Variants in ERCC5 observed in about 807,000 individuals in gnomAD.
The protein encoded by ERCC5 is ERCC excision repair 5, endonuclease.
In ERCC5, 68 loss-of-function variants were observed where a neutral mutation model predicts 105.6. That is an observed-to-expected ratio of 0.64 (90% confidence interval 0.53 to 0.79). ERCC5 has a LOEUF of 0.79. ERCC5 is among the 30% of genes least tolerant of loss of function. ERCC5 has a pLI of 0.00. For missense variants in ERCC5, 1,373 were observed against 1,426.7 expected, an observed-to-expected ratio of 0.96 and a Z score of 0.61; for synonymous variants, 546 against 526.2, an observed-to-expected ratio of 1.04 and a Z score of -0.51.
rs1340970336 is a variant in ERCC5 at position 102,852,294 on chromosome 13, G to A, written c.264+1G>A. Reference sequence around the variant, plus strand: ...TCCACTATTGAAGAAACAGACTTTGGTAAGTGTCGTATAGTTTTTAGTAAG... The same window carrying A: ...TCCACTATTGAAGAAACAGACTTTGATAAGTGTCGTATAGTTTTTAGTAAG... On this transcript the variant is annotated splice_donor_variant, in intron 2 of 14. Transcript: ENST00000652225. LOFTEE classifies it high-confidence loss of function. 3 of 1,613,806 alleles carry A rather than the reference G, an allele frequency of 1.9e-6. No individual in the cohort carries two copies. In the Admixed American group the frequency reaches 5.0e-5, roughly 27 times the overall value.
In ERCC5 at chr13:102,866,635, C is replaced by G. The variant is rs1165076825; in HGVS notation, c.2323C>G (p.Leu775Val). Residue 775 changes from leucine to valine, a missense_variant, in exon 11 of 15, where the codon CTC (leucine) becomes GTC (valine). By Grantham distance (32) the Leu-to-Val change is conservative. Transcript: ENST00000652225. ...TGQMFLESQE[L>V]LRLFGIPYIQ... Reference sequence around the variant, plus strand: ...CTGTGTACCCCTCACTCTGCAGGAACTCCTGCGCCTGTTCGGCATTCCCTA... The same window carrying G: ...CTGTGTACCCCTCACTCTGCAGGAAGTCCTGCGCCTGTTCGGCATTCCCTA... The G allele has an allele frequency of 1.9e-5, 30 of 1,613,174 alleles. No individual in the cohort carries two copies. The highest frequency in any genetic ancestry group is 2.4e-5 in the Non-Finnish European group (28 of 1,179,918).
Position 102,872,312 on chromosome 13 carries a change from T to C in ERCC5, c.2793T>C (p.Ala931=). The change falls in exon 13 of 15, where the codon GCT becomes GCC. Residue 931 remains alanine, a synonymous_variant. Coordinates refer to ENST00000652225, the MANE Select transcript of ERCC5 (RefSeq NM_000123.4). The stretch of plus-strand genomic sequence containing the variant: ...TCACCCCTGGCTTTCCTAACCCAGC[T>C]GTTGCCGAGGCCTACCTCAAACCCG... The part of the protein sequence containing the change: ...LQLTPGFPNP[A]VAEAYLKPVV... 6.2e-7 allele frequency: 1 copy of C among 1,614,186 alleles called. No individual in the cohort carries two copies. The highest frequency in any genetic ancestry group is 8.5e-7 in the Non-Finnish European group (1 of 1,180,036).
At chr13:102,853,086 A>G (rs896328369) in intron 2 of ERCC5, among the ~76,000 whole-genome samples, 1 of 152,332 alleles carries the variant, frequency 6.6e-6, no homozygotes, top group Middle Eastern at 3.4e-3. Context: ...GGATAAAAAT[A>G]AAAAGCATTT....
chr13:102,865,773 A>G lies in ERCC5; in HGVS notation c.2061A>G (p.Gly687=), dbSNP rs1263351381. 1 of 1,614,030 alleles carries G rather than the reference A, an allele frequency of 6.2e-7. No individual in the cohort carries two copies. Among genetic ancestry groups the G allele is most frequent in the East Asian group, 2.2e-5 (1 of 44,894 alleles). The change falls in exon 9 of 15, where the codon GGA becomes GGG. Residue 687 remains glycine (G), a synonymous_variant. Transcript: ENST00000652225. This position sits in a 1 kb window ranked among gnomAD's most constrained non-coding sequence, Gnocchi z 4.0. The stretch of plus-strand genomic sequence containing the variant: ...AACAAGGCGAAGAGGAACTGGTAGG[A>G]ACTAGGGAGGGAGAAGCCCCTGCTG... ...PSEQGEEELV[G]TREGEAPAES...
chr13:102,850,543 T>C (rs1882164665), intron 1 of ERCC5, among the ~76,000 whole-genome samples: 1 of 152,240 alleles, frequency 6.6e-6, no homozygotes, highest in Middle Eastern at 3.4e-3. Context: ...CAAAGATACG[T>C]TGGTGAAATC....
At position 102,865,518 on chromosome 13, in the gene ERCC5, A is replaced by G; in HGVS notation, c.1955-149A>G. On this transcript the variant is annotated intron_variant, in intron 8 of 14. Transcript: ENST00000652225. This position sits in a 1 kb window ranked among gnomAD's most constrained non-coding sequence, Gnocchi z 4.0. ...TTTGTGATTACATTTATTTATTAATAACGCTACTATTACATGTATTCTGTT... is the reference window on the plus strand; with the variant it reads ...TTTGTGATTACATTTATTTATTAATGACGCTACTATTACATGTATTCTGTT... 6.5e-6 allele frequency: 7 copies of G among 1,081,152 alleles called. No homozygotes were observed. In the South Asian group the frequency reaches 1.0e-4, roughly 16 times the overall value. 67.0% of individuals were successfully genotyped at this position (1,081,152 alleles called of 1,614,324 possible).
chr13:102,855,503 G>A (rs1301541271), intron 4 of ERCC5, among the ~76,000 whole-genome samples: 2 of 151,958 alleles, frequency 1.3e-5, no homozygotes, highest in Admixed American at 6.6e-5. Context: ...CACCTGCCTC[G>A]GCCTCCCAAA....
At position 102,875,854 on chromosome 13, in the gene ERCC5, A is replaced by G. The variant is rs778193599; in HGVS notation, c.3512A>G (p.Lys1171Arg). 6.2e-7 allele frequency: 1 copy of G among 1,612,652 alleles called. No individual in the cohort carries two copies. Among genetic ancestry groups the G allele is most frequent in the Non-Finnish European group, 8.5e-7 (1 of 1,180,016 alleles). ...GTGACCGCCAGATCTGTGTTTGGGA[A>G]GAAAAGAAGGAAACTAAGACGTGCG... The part of the protein sequence containing the change: ...VLVTARSVFG[K>R]KRRKLRRARG... Residue 1171 changes from lysine to arginine, a missense_variant, in exon 15 of 15, where the codon AAG (lysine) becomes AGG (arginine). Physicochemically the swap from Lys to Arg is conservative, Grantham distance 26 (BLOSUM62 2). Around this residue, in one of 3 missense-constraint regions of ERCC5, gnomAD observed 367 missense variants for 350.2 expected, o/e 1.05. Transcript: ENST00000652225.
rs41281672 is a variant in ERCC5, at chr13:102,849,088, A to G, written c.88+2734A>G. 3,900 of 514,676 alleles carry G rather than the reference A, an allele frequency of 7.6e-3. 40 individuals carry two copies. The highest frequency in any genetic ancestry group is 0.01 in the Non-Finnish European group (2,673 of 257,864). The allele number at this position is 514,676 out of a possible 1,614,324, so 31.9% of individuals were successfully genotyped here. On this transcript the variant is annotated intron_variant, in intron 1 of 14. Coordinates refer to ENST00000652225, the MANE Select transcript of ERCC5 (RefSeq NM_000123.4). ...GCCAAGTAGAAACTAATTTAATCCT[A>G]TGTAATAGTGAGCTTCATGGCTTTT...
chr13:102,854,147 G>A, intron 3 of ERCC5, 141 bp from the exon 4 acceptor site: 2 of 898,242 alleles, frequency 2.2e-6, no homozygotes, highest in Non-Finnish European at 3.6e-6. Context: ...CTCTAGGTGA[G>A]CAGCCCCGCC....
chr13:102,875,653 A>G lies in ERCC5; in HGVS notation c.3311A>G (p.Asp1104Gly). Residue 1104 changes from aspartate to glycine, a missense_variant, in exon 15 of 15, where the codon GAT (aspartate) becomes GGT (glycine). Asp to Gly is a moderately conservative substitution (Grantham distance 94, BLOSUM62 -1). Transcript: ENST00000652225. The stretch of plus-strand genomic sequence containing the variant: ...TCATCTGATGGATCTTCAAGTGAAG[A>G]TGCTGAAAGTTCATCTTTAATGAAT... ...SESSDGSSSE[D>G]AESSSLMNVQ... 6.2e-7 allele frequency: 1 copy of G among 1,614,162 alleles called. No homozygotes were observed. The highest frequency in any genetic ancestry group is 8.5e-7 in the Non-Finnish European group (1 of 1,179,986).
At position 102,875,376 on chromosome 13, in the gene ERCC5, A is replaced by C. The variant is rs1186044738; in HGVS notation, c.3034A>C (p.Ser1012Arg). The change falls in exon 15 of 15, where the codon AGC becomes CGC. Residue 1012 changes from serine to arginine, a missense_variant. Ser to Arg is a moderately radical substitution (Grantham distance 110). Coordinates refer to ENST00000652225, the MANE Select transcript of ERCC5 (RefSeq NM_000123.4). ...QEKEDAKRIK[S>R]QRLNRAVTCM... ...GAAAGAAGATGCTAAACGTATTAAGAGCCAGAGACTAAACAGAGCTGTGAC... is the reference window on the plus strand; with the variant it reads ...GAAAGAAGATGCTAAACGTATTAAGCGCCAGAGACTAAACAGAGCTGTGAC... The C allele has an allele frequency of 6.2e-7, 1 of 1,614,020 alleles. No individual in the cohort carries two copies. The highest frequency in any genetic ancestry group is 1.7e-5 in the Admixed American group (1 of 59,990).
In ERCC5 at chr13:102,875,617, G is replaced by A. The variant is rs1408107282; in HGVS notation, c.3275G>A (p.Cys1092Tyr). 6.2e-7 allele frequency: 1 copy of A among 1,613,788 alleles called. No individual in the cohort carries two copies. The highest frequency in any genetic ancestry group is 2.2e-5 in the East Asian group (1 of 44,878). ...NTCGGFLGET[C>Y]LSESSDGSSS... The stretch of plus-strand genomic sequence containing the variant: ...TGCGGTGGATTTTTGGGGGAGACCT[G>A]CCTCTCAGAATCATCTGATGGATCT... The change falls in exon 15 of 15, where the codon TGC (cysteine) becomes TAC (tyrosine). Residue 1092 changes from cysteine to tyrosine, a missense_variant. Physicochemically the swap from Cys to Tyr is radical, Grantham distance 194. Coordinates refer to ENST00000652225, the MANE Select transcript of ERCC5 (RefSeq NM_000123.4).
rs918031921 is a variant in ERCC5 at position 102,865,559 on chromosome 13, C to T, written c.1955-108C>T. On this transcript the variant is annotated intron_variant, in intron 8 of 14. Transcript: ENST00000652225. This position sits in a 1 kb window ranked among gnomAD's most constrained non-coding sequence, Gnocchi z 4.0. ...GTATTCTGTTATAGTCATATCTTTCCTTTTTAGGATGTAGCATTTTTCAGG... is the reference window on the plus strand; with the variant it reads ...GTATTCTGTTATAGTCATATCTTTCTTTTTTAGGATGTAGCATTTTTCAGG... 4.9e-5 allele frequency: 71 copies of T among 1,460,542 alleles called. No homozygotes were observed. Among genetic ancestry groups the T allele is most frequent in the Non-Finnish European group, 6.5e-5 (70 of 1,069,418 alleles). The allele number at this position is 1,460,542 out of a possible 1,614,324, so 90.5% of individuals were successfully genotyped here.
At chr13:102,856,177 A>T (rs1882411530) in intron 5 of ERCC5, 65 bp downstream of exon 5, 1 of 1,519,084 alleles carries the variant, frequency 6.6e-7, no homozygotes, top group Non-Finnish European at 9.1e-7. Flanking sequence ...ATGAAAATGA[A>T]TATTAATGAG....
At position 102,869,010 on chromosome 13, in the gene ERCC5, ATTGTGGTGGCATCT is replaced by A. The variant is rs1882942450; in HGVS notation, c.2678+756_2678+769del. 2.0e-5 allele frequency among the ~76,000 whole-genome samples: 3 copies of A among 152,166 alleles called. No homozygotes were observed. The South Asian group carries it at 6.2e-4, about 32-fold the overall frequency. ...CATTGGTTTTTAGTGTATTCACAAG[ATTGTGGTGGCATCT>A]TTTAACCGTCACTATGTCGTGAGAT... On this transcript the variant is annotated intron_variant, in intron 12 of 14. Coordinates refer to ENST00000652225, the MANE Select transcript of ERCC5 (RefSeq NM_000123.4).
chr13:102,875,342 A>G lies in ERCC5; in HGVS notation c.3000A>G (p.Ala1000=), dbSNP rs2140542940. ...GAATTGATTCCTTCTTTAGATTAGC[A>G]CAACAGGAGAAAGAAGATGCTAAAC... ...QLRIDSFFRL[A]QQEKEDAKRI... Residue 1000 remains alanine, a synonymous_variant, in exon 15 of 15, where the codon GCA becomes GCG. Coordinates refer to ENST00000652225, the MANE Select transcript of ERCC5 (RefSeq NM_000123.4). 1 of 1,614,026 alleles carries G rather than the reference A, an allele frequency of 6.2e-7. No homozygotes were observed. Among genetic ancestry groups the G allele is most frequent in the South Asian group, 1.1e-5 (1 of 90,992 alleles).
chr13:102,862,707 A>G lies in ERCC5; in HGVS notation c.1558A>G (p.Arg520Gly), dbSNP rs1430693582. 3 of 1,614,222 alleles carry G rather than the reference A, an allele frequency of 1.9e-6. No individual in the cohort carries two copies. In the Middle Eastern group the frequency reaches 4.9e-4, roughly 266 times the overall value. The part of the protein sequence containing the change: ...HSDAPGLPNG[R>G]ELTPASPTCT... ...TGACGCACCTGGGCTCCCGAATGGA[A>G]GGGAACTGACACCGGCATCTCCAAC... The change falls in exon 8 of 15, where the codon AGG becomes GGG. Residue 520 changes from arginine to glycine, a missense_variant. Around this residue, in one of 3 missense-constraint regions of ERCC5, gnomAD observed 1,004 missense variants for 1,059.7 expected, o/e 0.95. Transcript: ENST00000652225.
rs150741329 is a variant in ERCC5 at position 102,853,795 on chromosome 13, C to T, written c.303C>T (p.Asp101=). The change falls in exon 3 of 15, where the codon GAC becomes GAT. Residue 101 remains aspartate (D), a synonymous_variant. Coordinates refer to ENST00000652225, the MANE Select transcript of ERCC5 (RefSeq NM_000123.4). The part of the protein sequence containing the change: ...RRQRKDLASS[D]SRKTTEKLLK... ...AGAGAAAGGACTTAGCGTCCAGTGA[C>T]TCCAGGAAAACGACAGAGAAGCTTC... The T allele has an allele frequency of 6.2e-7, 1 of 1,614,066 alleles. No individual in the cohort carries two copies. The highest frequency in any genetic ancestry group is 8.5e-7 in the Non-Finnish European group (1 of 1,180,034).
Sources: allele counts gnomAD v4.1 joint callset (sites outside exome capture counted in the v4.1 genomes callset), GRCh38; gene constraint gnomAD v4.1.1; regional missense constraint gnomAD v4.1.1; non-coding constraint Gnocchi (gnomAD v3.1); transcripts MANE v1.5; gene names NCBI Gene and HGNC (gene_info 2026-07-23, HGNC 2026-07-21).